Variants in UACA observed in about 807,000 individuals in gnomAD.
UACA encodes the protein nuclear membrane binding protein.
A neutral mutation model predicts 160.5 loss-of-function variants in UACA; 112 were observed. The ratio of observed to expected loss-of-function variants is 0.70; its 90% CI spans 0.60 to 0.82. UACA has a LOEUF of 0.82. UACA is among the 40% of genes least tolerant of loss of function. The pLI, the probability that UACA is intolerant of heterozygous loss-of-function variation, is 0.00. For missense variants in UACA, 1,574 were observed against 1,614.6 expected, an observed-to-expected ratio of 0.97 and a Z score of 0.43; for synonymous variants, 557 against 568.4, an observed-to-expected ratio of 0.98 and a Z score of 0.29.
chr15:70,672,886 G>A (rs886829022), intron 13 of UACA, among the ~76,000 whole-genome samples: 1 of 152,152 alleles, frequency 6.6e-6, no homozygotes, highest in Non-Finnish European at 1.5e-5. Context: ...CCTGAGGTCA[G>A]GAGTTCAAGA....
In UACA at chr15:70,691,364, C is replaced by G. The variant is rs1377950772; in HGVS notation, c.302-1G>C. 2 of 1,602,362 alleles carry G rather than the reference C, an allele frequency of 1.2e-6. No homozygotes were observed. The highest frequency in any genetic ancestry group is 1.7e-5 in the Admixed American group (1 of 58,922). ...GCAGCCAGGTGAAGAGCATTTCTCC[C>G]TATAAATAATTTAAGATACATGTGA... On this transcript the variant is annotated splice_acceptor_variant, in intron 3 of 18. Transcript: ENST00000322954. LOFTEE classifies it high-confidence loss of function.
At chr15:70,740,050 C>T (rs867424446) in intron 1 of UACA, among the ~76,000 whole-genome samples, 1 of 152,070 alleles carries the variant, frequency 6.6e-6, no homozygotes, top group Non-Finnish European at 1.5e-5. Context: ...CCTTAGAGAA[C>T]TTTTTTAAGT....
intron 1 of UACA, among the ~76,000 whole-genome samples, chr15:70,753,152 C>T (rs1386211959): frequency 1.3e-5 from 2 of 152,164 alleles, no homozygotes; most frequent in African/African-American, 4.8e-5. Flanking sequence ...TACAGATCAA[C>T]ATGAACAGGG....
intron 18 of UACA, among the ~76,000 whole-genome samples, chr15:70,658,038 T>G (rs1349201273): frequency 1.3e-5 from 2 of 151,122 alleles, no homozygotes; most frequent in Non-Finnish European, 3.0e-5. Flanking sequence ...GTATGAGCTA[T>G]GATTGTGCCA....
At chr15:70,763,261 C>T in intron 1 of UACA, 69 bp downstream of exon 1, 4 of 1,282,738 alleles carry the variant, frequency 3.1e-6, no homozygotes, top group Non-Finnish European at 4.0e-6. Context: ...GGCGCGCGAA[C>T]TCGCCAGCAA....
rs544301646 is a variant in UACA at position 70,746,354 on chromosome 15, CA to C, written c.78+16975del. On this transcript the variant is annotated intron_variant, in intron 1 of 18. Coordinates refer to ENST00000322954, the MANE Select transcript of UACA (RefSeq NM_018003.4). ...AGAACAGACACTTTTCAAAAGAAGA[CA>C]TTTATGCAGCCAACAAACATCTGAA... is the stretch of plus-strand genomic sequence containing the variant. 6.6e-5 allele frequency among the ~76,000 whole-genome samples: 10 copies of C among 152,186 alleles called. No individual in the cohort carries two copies. The South Asian group carries it at 1.9e-3, about 28-fold the overall frequency.
At chr15:70,678,917 A>G (rs530219515) in intron 10 of UACA, among the ~76,000 whole-genome samples, 12 of 152,318 alleles carry the variant, frequency 7.9e-5, no homozygotes, top group African/African-American at 1.9e-4. Flanking sequence ...TTTTAATACT[A>G]TAATTTTCTA....
Position 70,668,640 on chromosome 15 carries a change from C to T in UACA, c.2044G>A (p.Val682Ile), listed in dbSNP as rs150332740. Residue 682 changes from valine (V) to isoleucine (I), a missense_variant, in exon 16 of 19, where the codon GTC becomes ATC. By Grantham distance (29) the Val-to-Ile change is conservative. Coordinates refer to ENST00000322954, the MANE Select transcript of UACA (RefSeq NM_018003.4). ...ACCTGTTCATGTTCCTCTGGTTTGA[C>T]GTGCTGAGCAAGCTTGGCCTTAACA... ...ENVKAKLAQHVKPEEHEQVKS... is the reference protein window; with the variant it reads ...ENVKAKLAQHIKPEEHEQVKS... 419 of 1,613,974 alleles carry T rather than the reference C, an allele frequency of 2.6e-4. 3 individuals are homozygous for T. In the East Asian group the frequency reaches 8.5e-3, roughly 33 times the overall value.
At chr15:70,663,567 C>T (rs1896795170) in intron 17 of UACA, among the ~76,000 whole-genome samples, 2 of 152,056 alleles carry the variant, frequency 1.3e-5, no homozygotes, top group Admixed American at 1.3e-4. Context: ...GCTATAAAGA[C>T]ACATATGTTT....
At chr15:70,743,748 G>A (rs1170442222) in intron 1 of UACA, among the ~76,000 whole-genome samples, 1 of 152,106 alleles carries the variant, frequency 6.6e-6, no homozygotes. Flanking sequence ...AACATCTAGG[G>A]AAGAATACAG....
rs190495850 is a variant in UACA, at chr15:70,727,230, C to T, written c.79-27570G>A. On this transcript the variant is annotated intron_variant, in intron 1 of 18. Transcript: ENST00000322954. Reference sequence around the variant, plus strand: ...TATAAAAAGGAAAACCTCCTTCCGCCCATTCCTCTTCCCTGGCATATTTTG... The same window carrying T: ...TATAAAAAGGAAAACCTCCTTCCGCTCATTCCTCTTCCCTGGCATATTTTG... 2.5e-3 allele frequency among the ~76,000 whole-genome samples: 383 copies of T among 152,202 alleles called. 3 individuals carry two copies. The highest frequency in any genetic ancestry group is 0.02 in the Middle Eastern group (6 of 294).
At chr15:70,767,259 A>C (rs938894409), upstream of UACA, among the ~76,000 whole-genome samples, 4 of 123,016 alleles carry the variant, frequency 3.3e-5, no homozygotes, top group East Asian at 8.0e-4. Flanking sequence ...AAAAAAAACA[A>C]AAAACAAAAA....
intron 1 of UACA, among the ~76,000 whole-genome samples, chr15:70,701,352 C>T (rs891789880): frequency 2.0e-5 from 3 of 152,090 alleles, no homozygotes; most frequent in Non-Finnish European, 4.4e-5. Context: ...GGGGAGTGGT[C>T]GTGGACATAA....
chr15:70,747,852 GA>G lies in UACA; in HGVS notation c.78+15477del, dbSNP rs566848824. Among the ~76,000 whole-genome samples the G allele has an allele frequency of 1.1e-4, 17 of 151,574 alleles. No individual in the cohort carries two copies. In the South Asian group the frequency reaches 3.3e-3, roughly 30 times the overall value. Reference sequence around the variant, plus strand: ...CATCAAATTTCTTTTTATTTATATAGAAAAAAATAAAATAGAATAATTTATG... The same window carrying G: ...CATCAAATTTCTTTTTATTTATATAGAAAAAATAAAATAGAATAATTTATG... On this transcript the variant is annotated intron_variant, in intron 1 of 18. Transcript: ENST00000322954.
intron 1 of UACA, among the ~76,000 whole-genome samples, chr15:70,728,071 C>A (rs1261043308): frequency 6.6e-6 from 1 of 152,078 alleles, no homozygotes; most frequent in Non-Finnish European, 1.5e-5. Flanking sequence ...GAAATAAAGC[C>A]ACACTCCTAT....
chr15:70,701,944 G>A (rs6494889), intron 1 of UACA: 180,650 of 1,611,302 alleles, frequency 0.11, 14,038 homozygotes, highest in African/African-American at 0.4. Flanking sequence ...TGTTGCTAAT[G>A]GCAAACTACT....
At chr15:70,767,321 G>T (rs983762246), upstream of UACA, among the ~76,000 whole-genome samples, 29 of 151,698 alleles carry the variant, frequency 1.9e-4, no homozygotes, top group African/African-American at 6.8e-4. Context: ...GGGCATGGTG[G>T]CTCACAACTG....
At chr15:70,723,082 T>C (rs11858184) in intron 1 of UACA, among the ~76,000 whole-genome samples, 20,639 of 152,192 alleles carry the variant, frequency 0.14, 1,720 homozygotes, top group African/African-American at 0.23. Flanking sequence ...AGTTACTTAG[T>C]CCCCCTGAGC....
chr15:70,694,196 G>T (rs1409327642), intron 3 of UACA, among the ~76,000 whole-genome samples: 1 of 151,902 alleles, frequency 6.6e-6, no homozygotes, highest in Non-Finnish European at 1.5e-5. Context: ...CCAGAGAAGT[G>T]AGAATGTTTA....
Sources: gnomAD v4.1 joint callset for allele counts (sites outside exome capture counted in the v4.1 genomes callset) on GRCh38, gnomAD v4.1.1 for gene constraint, MANE v1.5 for transcripts, NCBI Gene and HGNC (gene_info 2026-07-23, HGNC 2026-07-21) for gene names.